LMBRD2: variants seen among roughly 807,000 people sequenced by gnomAD.
LMBRD2 encodes the protein LMBR1 domain containing 2, also known as G protein-coupled receptor-associated protein LMBRD2.
LMBRD2 carries 55 observed loss-of-function variants against 94.4 expected under a neutral mutation model. That is an observed-to-expected ratio of 0.58 (90% confidence interval 0.47 to 0.73). The LOEUF is 0.73. Ranked by LOEUF, LMBRD2 falls within the 30% of genes least tolerant of loss-of-function variation. LMBRD2 has a pLI of 0.00. For missense variants in LMBRD2, 640 were observed against 831.9 expected (o/e 0.77, Z 2.84); for synonymous variants, 246 against 272.4 (o/e 0.90, Z 0.95).
chr5:36,143,496 C>T (rs946195339), intron 1 of LMBRD2, 90 bp from the exon 2 acceptor site: 1 of 501,686 alleles, frequency 2.0e-6, no homozygotes, highest in African/African-American at 2.0e-5. Context: ...TACATTAATA[C>T]ATTAATCAAC....
At chr5:36,123,604 G>A (rs904034571) in intron 7 of LMBRD2, among the ~76,000 whole-genome samples, 2 of 151,630 alleles carry the variant, frequency 1.3e-5, no homozygotes, top group African/African-American at 4.8e-5. Flanking sequence ...AAGACAATTG[G>A]GGAACTGCAA....
At chr5:36,111,109 A>G in intron 14 of LMBRD2, 46 bp downstream of exon 14, 1 of 1,096,166 alleles carries the variant, frequency 9.1e-7, no homozygotes, top group East Asian at 2.5e-5. Context: ...TTTGAGTCTT[A>G]GCACTTAGTA....
At chr5:36,142,214 T>C (rs1744425842) in intron 3 of LMBRD2, among the ~76,000 whole-genome samples, 1 of 152,224 alleles carries the variant, frequency 6.6e-6, no homozygotes, top group Non-Finnish European at 1.5e-5. Context: ...AAACAGGTTT[T>C]AGAAATTACA....
At position 36,122,398 on chromosome 5, in the gene LMBRD2, T is replaced by C; in HGVS notation, c.1002A>G (p.Ala334=). ...QVQWQILLEQ[A]FYLEDVAKNE... is the part of the protein sequence containing the mutation. ...TTTTTGCTACATCTTCTAGATAAAA[T>C]GCTTGTTCCAAAAGAATCTGCCATT... Residue 334 remains alanine, a synonymous_variant, in exon 9 of 18, where the codon GCA becomes GCG. Coordinates refer to ENST00000296603, the MANE Select transcript of LMBRD2 (RefSeq NM_001007527.2). 1.2e-6 allele frequency: 2 copies of C among 1,613,572 alleles called. No homozygotes were observed. Among genetic ancestry groups the C allele is most frequent in the Non-Finnish European group, 1.7e-6 (2 of 1,179,724 alleles).
At chr5:36,111,053 A>C in intron 14 of LMBRD2, 102 bp downstream of exon 14, 1 of 722,136 alleles carries the variant, frequency 1.4e-6, no homozygotes, top group Non-Finnish European at 2.3e-6. Context: ...ATTTCTTAGA[A>C]TAGATTAAAA....
In LMBRD2 at chr5:36,151,360, G is replaced by T. The variant is rs1238161664; in HGVS notation, c.-58+196C>A. Among the ~76,000 whole-genome samples the T allele has an allele frequency of 6.6e-6, 1 of 152,198 alleles. No individual in the cohort carries two copies. The stretch of plus-strand genomic sequence containing the variant: ...CTTCCCACCACACAGGACCCGCTGG[G>T]GTCTCCGGCTCCCCTAAAATTAAAC... On this transcript the variant is annotated intron_variant, in intron 1 of 17. Transcript: ENST00000296603. This position sits in a 1 kb window ranked among gnomAD's most constrained non-coding sequence, Gnocchi z 4.7.
At chr5:36,130,919 C>T (rs1744137150) in intron 6 of LMBRD2, among the ~76,000 whole-genome samples, 1 of 152,082 alleles carries the variant, frequency 6.6e-6, no homozygotes, top group African/African-American at 2.4e-5. Flanking sequence ...ATTTAAAGAA[C>T]TAACACAAAT....
In LMBRD2 at chr5:36,103,852, T is replaced by C. The variant is rs1325883710; in HGVS notation, c.*194A>G. ...CTTAGGAAATGATATGTAATAAATC[T>C]TGTTGAAAAAGGTGATACTCTATTC... On this transcript the variant is annotated 3_prime_UTR_variant, in exon 18 of 18. Transcript: ENST00000296603. 2.4e-6 allele frequency: 1 copy of C among 423,678 alleles called. No individual in the cohort carries two copies. Among genetic ancestry groups the C allele is most frequent in the African/African-American group, 2.0e-5 (1 of 49,502 alleles). The allele number at this position is 423,678 out of a possible 1,614,324, so 26.2% of individuals were successfully genotyped here.
chr5:36,115,714 C>T (rs1413477279), intron 11 of LMBRD2, among the ~76,000 whole-genome samples: 4 of 140,880 alleles, frequency 2.8e-5, no homozygotes, highest in Non-Finnish European at 4.4e-5. Context: ...CTACAGGAAT[C>T]TACACACACA....
intron 16 of LMBRD2, 31 bp from the exon 17 acceptor site, chr5:36,105,228 C>G: frequency 6.2e-7 from 1 of 1,607,484 alleles, no homozygotes; most frequent in Non-Finnish European, 8.5e-7. Context: ...ATGTCTACTT[C>G]CCTACTGTCT....
In LMBRD2 at chr5:36,115,936, G is replaced by A. The variant is rs562264123; in HGVS notation, c.1436+524C>T. ...AAAAAAGATGCTTAAAAATACTTTG[G>A]ATGTCAACTCCTCTATAAAATTATC... On this transcript the variant is annotated intron_variant, in intron 11 of 17. Coordinates refer to ENST00000296603, the MANE Select transcript of LMBRD2 (RefSeq NM_001007527.2). 5.3e-5 allele frequency among the ~76,000 whole-genome samples: 8 copies of A among 152,174 alleles called. No individual in the cohort carries two copies. In the South Asian group the frequency reaches 1.5e-3, roughly 28 times the overall value.
At position 36,151,054 on chromosome 5, in the gene LMBRD2, A is replaced by G. The variant is rs1744691735; in HGVS notation, c.-58+502T>C. Among the ~76,000 whole-genome samples, 2 of 152,126 alleles carry G rather than the reference A, an allele frequency of 1.3e-5. No individual in the cohort carries two copies. The highest frequency in any genetic ancestry group is 4.1e-4 in the South Asian group (2 of 4,826). On this transcript the variant is annotated intron_variant, in intron 1 of 17. Coordinates refer to ENST00000296603, the MANE Select transcript of LMBRD2 (RefSeq NM_001007527.2). This position sits in a 1 kb window ranked among gnomAD's most constrained non-coding sequence, Gnocchi z 4.7. ...TTTCCCGGGGTCACAGTTGTAGTAT[A>G]GTTTGCCCAATGGATTTCGCATGGT...
At chr5:36,120,927 C>T (rs995500123) in intron 9 of LMBRD2, among the ~76,000 whole-genome samples, 1 of 152,160 alleles carries the variant, frequency 6.6e-6, no homozygotes, top group Non-Finnish European at 1.5e-5. Flanking sequence ...TTCTCATCCA[C>T]CTAATCTCTA....
At chr5:36,140,949 A>G (rs541920736) in intron 4 of LMBRD2, 158 bp downstream of exon 4, 41 of 527,790 alleles carry the variant, frequency 7.8e-5, no homozygotes, top group Non-Finnish European at 1.3e-4. Flanking sequence ...TAGACAGTGG[A>G]TAACTATGAG....
intron 14 of LMBRD2, among the ~76,000 whole-genome samples, chr5:36,110,518 C>T (rs1041204026): frequency 2.0e-5 from 3 of 151,924 alleles, no homozygotes; most frequent in East Asian, 1.9e-4. Flanking sequence ...TAGGAGAGCA[C>T]GTGAAGGCTA....
At chr5:36,138,074 C>T (rs912966790) in intron 4 of LMBRD2, among the ~76,000 whole-genome samples, 2 of 151,964 alleles carry the variant, frequency 1.3e-5, no homozygotes, top group East Asian at 1.9e-4. Context: ...GGAGGGTAGA[C>T]CAGCAAAAGA....
intron 4 of LMBRD2, among the ~76,000 whole-genome samples, chr5:36,138,836 C>T (rs992286297): frequency 2.6e-5 from 4 of 152,162 alleles, no homozygotes; most frequent in Non-Finnish European, 4.4e-5. Flanking sequence ...GTGCATGCTT[C>T]GTTGAAATTG....
At chr5:36,149,011 A>T (rs1744623272) in intron 1 of LMBRD2, among the ~76,000 whole-genome samples, 1 of 152,252 alleles carries the variant, frequency 6.6e-6, no homozygotes, top group African/African-American at 2.4e-5. Context: ...ACTGTACTCT[A>T]CATGGGAAAA....
chr5:36,121,668 AAC>A (rs1743889421), intron 9 of LMBRD2, among the ~76,000 whole-genome samples: 1 of 152,194 alleles, frequency 6.6e-6, no homozygotes, highest in Admixed American at 6.5e-5. Flanking sequence ...TTAAAATTCT[AAC>A]TATTTTAAGT....
Sources: allele counts gnomAD v4.1 joint callset (sites outside exome capture counted in the v4.1 genomes callset), GRCh38; gene constraint gnomAD v4.1.1; non-coding constraint Gnocchi (gnomAD v3.1); transcripts MANE v1.5; gene names NCBI Gene and HGNC (gene_info 2026-07-23, HGNC 2026-07-21).